NDUFS4: variants seen among roughly 807,000 people sequenced by gnomAD.
NDUFS4 encodes NADH:ubiquinone oxidoreductase subunit S4, also known as NADH dehydrogenase [ubiquinone] iron-sulfur protein 4, mitochondrial.
In NDUFS4, 28 loss-of-function variants were observed where a neutral mutation model predicts 24.3. The observed-to-expected ratio is 1.15, with a 90% CI of 0.85 to 1.58. The LOEUF (loss-of-function observed/expected upper bound fraction) is 1.58, where lower values mean the gene tolerates loss of function less well. NDUFS4 is among the 40% of genes most tolerant of loss of function. The probability of loss-of-function intolerance (pLI) is 0.00; values close to 1 mark genes in which losing one functional copy is unlikely to be tolerated. For synonymous variants in NDUFS4, 93 were observed against 69.7 expected (o/e 1.34, Z -1.67); for missense variants, 223 against 207.9 (o/e 1.07, Z -0.45).
intron 1 of NDUFS4, among the ~76,000 whole-genome samples, chr5:53,584,544 TG>T (rs1368788979): frequency 6.6e-6 from 1 of 152,020 alleles, no homozygotes; most frequent in Non-Finnish European, 1.5e-5. Flanking sequence ...TACACCTTGT[TG>T]GCCAGGCTGG....
chr5:53,683,066 G>T, intron 4 of NDUFS4, 52 bp from the exon 5 acceptor site: 1 of 1,181,692 alleles, frequency 8.5e-7, no homozygotes, highest in African/African-American at 1.5e-5. Flanking sequence ...TGCTTTTCAG[G>T]TATCCTCTTT....
intron 2 of NDUFS4, among the ~76,000 whole-genome samples, chr5:53,638,463 A>T (rs1484732619): frequency 6.6e-6 from 1 of 152,146 alleles, no homozygotes; most frequent in Non-Finnish European, 1.5e-5. Flanking sequence ...AAACACAGAA[A>T]ACTACATAGT....
At chr5:53,648,523 CA>C (rs1751926230) in intron 3 of NDUFS4, among the ~76,000 whole-genome samples, 1 of 152,150 alleles carries the variant, frequency 6.6e-6, no homozygotes, top group African/African-American at 2.4e-5. Context: ...GAATAAATAC[CA>C]GGTCAGATTT....
chr5:53,613,524 C>T (rs1254687492), intron 2 of NDUFS4, among the ~76,000 whole-genome samples: 1 of 150,834 alleles, frequency 6.6e-6, no homozygotes, highest in Non-Finnish European at 1.5e-5. Flanking sequence ...TTAGATGAAA[C>T]TTCTAATATA....
chr5:53,642,693 T>G (rs1339505841), intron 2 of NDUFS4, among the ~76,000 whole-genome samples: 6 of 152,174 alleles, frequency 3.9e-5, no homozygotes, highest in African/African-American at 1.4e-4. Flanking sequence ...AACTAGTATT[T>G]TATCATGGAA....
chr5:53,563,197 C>G (rs1748909491), intron 1 of NDUFS4, among the ~76,000 whole-genome samples: 1 of 148,818 alleles, frequency 6.7e-6, no homozygotes, highest in Non-Finnish European at 1.5e-5. Context: ...CCACTGCACT[C>G]CAGCCTGGGC....
At chr5:53,606,807 G>T (rs1285758265) in intron 2 of NDUFS4, among the ~76,000 whole-genome samples, 1 of 152,220 alleles carries the variant, frequency 6.6e-6, no homozygotes, top group Non-Finnish European at 1.5e-5. Context: ...ATTTCAACAT[G>T]AGAGTTGGGC....
chr5:53,648,978 C>G (rs893610069), intron 3 of NDUFS4, among the ~76,000 whole-genome samples: 3 of 152,160 alleles, frequency 2.0e-5, no homozygotes, highest in Non-Finnish European at 4.4e-5. Context: ...TCTAATCATC[C>G]TCTTCCATAA....
At chr5:53,589,468 C>T (rs554080886) in intron 1 of NDUFS4, among the ~76,000 whole-genome samples, 1 of 152,344 alleles carries the variant, frequency 6.6e-6, no homozygotes, top group African/African-American at 2.4e-5. Context: ...GGCAGTTAGG[C>T]ATTGACTTCT....
At chr5:53,585,310 C>G (rs1749712058) in intron 1 of NDUFS4, among the ~76,000 whole-genome samples, 3 of 152,084 alleles carry the variant, frequency 2.0e-5, no homozygotes, top group Admixed American at 2.0e-4. Context: ...TTGTTCTGTT[C>G]TAGTAGTCTG....
In NDUFS4 at chr5:53,638,536, G is replaced by A. The variant is rs572907651; in HGVS notation, c.178-7697G>A. Among the ~76,000 whole-genome samples the A allele has an allele frequency of 2.0e-5, 3 of 152,082 alleles. No homozygotes were observed. In the South Asian group the frequency reaches 6.2e-4, roughly 32 times the overall value. On this transcript the variant is annotated intron_variant, in intron 2 of 4. Transcript: ENST00000296684. Reference sequence around the variant, plus strand: ...CACAAAGAGGGGAACAACAGACACTGGGGCCTACTTGAGGTAGGAGGGTGG... The same window carrying A: ...CACAAAGAGGGGAACAACAGACACTAGGGCCTACTTGAGGTAGGAGGGTGG...
At chr5:53,674,621 T>TA (rs1445489826) in intron 4 of NDUFS4, among the ~76,000 whole-genome samples, 7 of 152,064 alleles carry the variant, frequency 4.6e-5, no homozygotes, top group Admixed American at 3.9e-4. Context: ...AAAAAATAAT[T>TA]AAAAAAATAA....
At chr5:53,568,350 G>C (rs981377060) in intron 1 of NDUFS4, among the ~76,000 whole-genome samples, 2 of 151,984 alleles carry the variant, frequency 1.3e-5, no homozygotes, top group African/African-American at 4.8e-5. Flanking sequence ...GCTCTATGGT[G>C]ATTCTAATGG....
chr5:53,658,528 G>C (rs1384390138), intron 3 of NDUFS4, 23 bp from the exon 4 acceptor site: 1 of 1,581,988 alleles, frequency 6.3e-7, no homozygotes, highest in South Asian at 1.1e-5. Flanking sequence ...GTTAAATCTT[G>C]GAAAAAAATT....
intron 4 of NDUFS4, among the ~76,000 whole-genome samples, chr5:53,668,027 C>T (rs1752568299): frequency 1.3e-5 from 2 of 152,130 alleles, no homozygotes; most frequent in African/African-American, 2.4e-5. Flanking sequence ...TAAAATATGA[C>T]AAAGGTTATA....
intron 1 of NDUFS4, among the ~76,000 whole-genome samples, chr5:53,591,513 T>C (rs947778577): frequency 2.0e-5 from 3 of 150,184 alleles, no homozygotes; most frequent in South Asian, 2.1e-4. Flanking sequence ...TGGTATCTTA[T>C]GGTTTTCTTT....
chr5:53,628,505 T>C (rs1751298233), intron 2 of NDUFS4, among the ~76,000 whole-genome samples: 1 of 152,222 alleles, frequency 6.6e-6, no homozygotes, highest in Non-Finnish European at 1.5e-5. Flanking sequence ...TGAATCTGTC[T>C]GGTTCTGGAC....
intron 4 of NDUFS4, among the ~76,000 whole-genome samples, chr5:53,659,178 T>C (rs1331564098): frequency 6.6e-6 from 1 of 152,192 alleles, no homozygotes; most frequent in Non-Finnish European, 1.5e-5. Context: ...AATATTAATG[T>C]GGCCTAAGAG....
chr5:53,611,749 T>G (rs1750705529), intron 2 of NDUFS4, among the ~76,000 whole-genome samples: 1 of 152,060 alleles, frequency 6.6e-6, no homozygotes, highest in Non-Finnish European at 1.5e-5. Flanking sequence ...GCCTTTGTGC[T>G]TTATTATGAG....
Sources: allele counts gnomAD v4.1 joint callset (sites outside exome capture counted in the v4.1 genomes callset), GRCh38; gene constraint gnomAD v4.1.1; transcripts MANE v1.5; gene names NCBI Gene and HGNC (gene_info 2026-07-23, HGNC 2026-07-21).